GLG1: variants seen among roughly 807,000 people sequenced by gnomAD.
GLG1 encodes the protein golgi glycoprotein 1.
Under a neutral mutation model 160.5 loss-of-function variants are expected in GLG1, and 38 were observed. The ratio of observed to expected loss-of-function variants is 0.24; its 90% CI spans 0.18 to 0.31. GLG1 has a LOEUF of 0.31. Among genes scored for constraint, GLG1 ranks in the 10% least tolerant of loss-of-function variants. The probability of loss-of-function intolerance (pLI) is 1.00; values close to 1 mark genes in which losing one functional copy is unlikely to be tolerated. For synonymous variants in GLG1, 644 were observed against 543.4 expected (o/e 1.19, Z -2.57); for missense variants, 1,373 against 1,505.2 (o/e 0.91, Z 1.45).
intron 1 of GLG1, among the ~76,000 whole-genome samples, chr16:74,554,726 A>G (rs2018305818): frequency 6.6e-6 from 1 of 152,192 alleles, no homozygotes; most frequent in Non-Finnish European, 1.5e-5. Context: ...TTTGGTGGAT[A>G]TATCTAATTA....
At chr16:74,568,096 G>C (rs986200585) in intron 1 of GLG1, among the ~76,000 whole-genome samples, 1 of 152,192 alleles carries the variant, frequency 6.6e-6, no homozygotes, top group African/African-American at 2.4e-5. Flanking sequence ...GGGACACATG[G>C]AGGAACAGGA....
At chr16:74,495,490 T>G (rs1345828528) in intron 5 of GLG1, among the ~76,000 whole-genome samples, 1 of 152,198 alleles carries the variant, frequency 6.6e-6, no homozygotes, top group Non-Finnish European at 1.5e-5. Flanking sequence ...GTTAAAGCTG[T>G]TAATGCAAAC....
chr16:74,512,701 T>C (rs1265940170), intron 2 of GLG1, among the ~76,000 whole-genome samples: 1 of 151,014 alleles, frequency 6.6e-6, no homozygotes, highest in Non-Finnish European at 1.5e-5. Flanking sequence ...AAAAAGACCA[T>C]TGTCTCAGCA....
At chr16:74,606,064 C>G (rs1417538388) in intron 1 of GLG1, among the ~76,000 whole-genome samples, 1 of 152,164 alleles carries the variant, frequency 6.6e-6, no homozygotes, top group East Asian at 1.9e-4. Flanking sequence ...GCTTCAAACG[C>G]TTCCCCAACT....
At chr16:74,590,268 G>C (rs1037129141) in intron 1 of GLG1, among the ~76,000 whole-genome samples, 1 of 151,836 alleles carries the variant, frequency 6.6e-6, no homozygotes, top group Non-Finnish European at 1.5e-5. Context: ...CAAAATACTG[G>C]GATTACAAGC....
At chr16:74,490,973 C>T (rs1358360196) in intron 8 of GLG1, 28 bp downstream of exon 8, 2 of 1,518,648 alleles carry the variant, frequency 1.3e-6, no homozygotes, top group East Asian at 2.3e-5. Context: ...ATGTGACATT[C>T]AAAATGGCAA....
chr16:74,586,974 C>T (rs1015038292), intron 1 of GLG1, among the ~76,000 whole-genome samples: 1 of 146,622 alleles, frequency 6.8e-6, no homozygotes, highest in African/African-American at 2.6e-5. Flanking sequence ...AGATTATAGG[C>T]GTGAGCCACC....
rs2143104544 is a variant in GLG1, at chr16:74,452,424, G to A, written c.*743C>T. The A allele has an allele frequency of 1.7e-6, 2 of 1,163,168 alleles. No individual in the cohort carries two copies. The highest frequency in any genetic ancestry group is 1.1e-6 in the Non-Finnish European group (1 of 934,706). 72.1% of individuals were successfully genotyped at this position (1,163,168 alleles called of 1,614,324 possible). A position where few individuals can be genotyped will look rare whatever the true frequency, so the allele number is the denominator to read the frequency against. On this transcript the variant is annotated 3_prime_UTR_variant, in exon 26 of 26. Coordinates refer to ENST00000422840, the MANE Select transcript of GLG1 (RefSeq NM_001145667.2). ...AACTTCCGGTCCCTTCCCCTCCCCAGCTGCCCTTGTCTAGGAAGGCTCATG... is the reference window on the plus strand; with the variant it reads ...AACTTCCGGTCCCTTCCCCTCCCCAACTGCCCTTGTCTAGGAAGGCTCATG...
chr16:74,543,488 G>C (rs1313283876), intron 1 of GLG1, among the ~76,000 whole-genome samples: 1 of 152,018 alleles, frequency 6.6e-6, no homozygotes, highest in Admixed American at 6.6e-5. Flanking sequence ...TAAAAAAACA[G>C]ACAAAAAACT....
At chr16:74,456,478 G>A (rs896208815) in intron 25 of GLG1, 171 bp downstream of exon 25, 8 of 583,860 alleles carry the variant, frequency 1.4e-5, no homozygotes, top group South Asian at 6.1e-5. Context: ...GTTTTCAAAC[G>A]CACTTATTGC....
chr16:74,533,555 C>G (rs2017605470), intron 1 of GLG1, among the ~76,000 whole-genome samples: 1 of 152,010 alleles, frequency 6.6e-6, no homozygotes, highest in Non-Finnish European at 1.5e-5. Flanking sequence ...CCGAGGCAGG[C>G]AGATCACTTG....
intron 1 of GLG1, among the ~76,000 whole-genome samples, chr16:74,541,290 C>A (rs563884224): frequency 1.4e-5 from 2 of 147,384 alleles, no homozygotes; most frequent in East Asian, 4.0e-4. Flanking sequence ...CACCACCACA[C>A]TCCAGCCTAG....
intron 1 of GLG1, among the ~76,000 whole-genome samples, chr16:74,591,424 C>T (rs1361488195): frequency 6.6e-6 from 1 of 151,800 alleles, no homozygotes; most frequent in African/African-American, 2.4e-5. Context: ...GTCAGGAGAT[C>T]GAAACCATCC....
In GLG1 at chr16:74,606,788, C is replaced by T. The variant is rs769755263; in HGVS notation, c.307G>A (p.Gly103Arg). 80 of 1,604,944 alleles carry T rather than the reference C, an allele frequency of 5.0e-5. No individual in the cohort carries two copies. The East Asian group carries it at 1.7e-3, about 35-fold the overall frequency. ...TTCCAGCCCCCACCAGCCCCCGCTCCTCCCCGCCGGGCCGGAGGCCCACCC... is the reference window on the plus strand; with the variant it reads ...TTCCAGCCCCCACCAGCCCCCGCTCTTCCCCGCCGGGCCGGAGGCCCACCC... The part of the protein sequence containing the change: ...PAGGPPARRG[G>R]AGAGGGWKLA... The change falls in exon 1 of 26, where the codon GGA (glycine) becomes AGA (arginine). Residue 103 changes from glycine to arginine, a missense_variant. Transcript: ENST00000422840.
rs543558496 is a variant in GLG1 at position 74,471,349 on chromosome 16, C to T, written c.2116-63G>A. On this transcript the variant is annotated intron_variant, in intron 14 of 25. Coordinates refer to ENST00000422840, the MANE Select transcript of GLG1 (RefSeq NM_001145667.2). ...CAATTAATGAACAAAACTTGTAGCC[C>T]AGTCCGAAACAAATGCAAGCAAGGT... The T allele has an allele frequency of 2.0e-5, 18 of 899,704 alleles. No individual in the cohort carries two copies. In the South Asian group the frequency reaches 2.0e-4, roughly 10 times the overall value. The allele number at this position is 899,704 out of a possible 1,614,324, so 55.7% of individuals were successfully genotyped here.
rs2014231490 is a variant in GLG1, at chr16:74,450,158, G to C, written c.*3009C>G. 6.6e-6 allele frequency: 1 copy of C among 152,438 alleles called. No individual in the cohort carries two copies. Among genetic ancestry groups the C allele is most frequent in the South Asian group, 2.1e-4 (1 of 4,826 alleles). The allele number at this position is 152,438 out of a possible 1,614,324, so 9.4% of individuals were successfully genotyped here. ...CTGTTAGCAAGTACCTGAAGCCTTA[G>C]CCTTGGCAAAACCCCCTACCCTCTA... is the stretch of plus-strand genomic sequence containing the variant. On this transcript the variant is annotated 3_prime_UTR_variant, in exon 26 of 26. Coordinates refer to ENST00000422840, the MANE Select transcript of GLG1 (RefSeq NM_001145667.2).
intron 1 of GLG1, among the ~76,000 whole-genome samples, chr16:74,575,104 G>A (rs2018964602): frequency 7.0e-6 from 1 of 142,130 alleles, no homozygotes; most frequent in Non-Finnish European, 1.5e-5. Context: ...AAAATTAGCT[G>A]GGCATGATGG....
At chr16:74,588,030 A>G (rs1287659346) in intron 1 of GLG1, among the ~76,000 whole-genome samples, 1 of 152,166 alleles carries the variant, frequency 6.6e-6, no homozygotes, top group Admixed American at 6.6e-5. Flanking sequence ...TACAAAAGAA[A>G]ACATCAGTGA....
chr16:74,480,385 A>G lies in GLG1; in HGVS notation c.1683T>C (p.Pro561=). The G allele has an allele frequency of 6.2e-7, 1 of 1,611,676 alleles. No homozygotes were observed. Among genetic ancestry groups the G allele is most frequent in the Non-Finnish European group, 8.5e-7 (1 of 1,178,618 alleles). ...YFISRDWKLD[P]VLYRKCQGDA... is the part of the protein sequence containing the mutation. ...CTCCCTGGCACTTGCGGTACAGGAC[A>G]GGGTCCAGCCTATAAGGTTAAGAGT... The change falls in exon 11 of 26, where the codon CCT becomes CCC. Residue 561 remains proline, a synonymous_variant. Transcript: ENST00000422840.
Sources: allele counts gnomAD v4.1 joint callset (sites outside exome capture counted in the v4.1 genomes callset), GRCh38; gene constraint gnomAD v4.1.1; transcripts MANE v1.5; gene names NCBI Gene and HGNC (gene_info 2026-07-23, HGNC 2026-07-21).